Variants in ATP10B observed in about 807,000 individuals in gnomAD.
ATP10B encodes ATPase phospholipid transporting 10B (putative).
A neutral mutation model predicts 141.2 loss-of-function variants in ATP10B; 122 were observed. The observed-to-expected ratio is 0.86, with a 90% CI of 0.75 to 1.00. ATP10B has a LOEUF of 1.00. ATP10B is among the 50% of genes least tolerant of loss of function. The pLI is 0.00. For synonymous variants in ATP10B, 685 were observed against 692.0 expected, an observed-to-expected ratio of 0.99 and a Z score of 0.16; for missense variants, 1,876 against 1,825.3, an observed-to-expected ratio of 1.03 and a Z score of -0.51.
At position 160,670,681 on chromosome 5, in the gene ATP10B, AAGAC is replaced by A; in HGVS notation, c.471-18_471-15del. On this transcript the variant is annotated splice_polypyrimidine_tract_variant and intron_variant, in intron 6 of 25. Coordinates refer to ENST00000327245, the MANE Select transcript of ATP10B (RefSeq NM_025153.3). Reference sequence around the variant, plus strand: ...GTCTGCTCTTTTCTTGGGTGAGAGAAAGACAGGGTGTGAGTGAGCTTTAAGTTTC... The same window carrying A: ...GTCTGCTCTTTTCTTGGGTGAGAGAAAGGGTGTGAGTGAGCTTTAAGTTTC... 6 of 1,611,218 alleles carry A rather than the reference AAGAC, an allele frequency of 3.7e-6. No individual in the cohort carries two copies. The highest frequency in any genetic ancestry group is 5.1e-6 in the Non-Finnish European group (6 of 1,178,606).
intron 8 of ATP10B, 123 bp downstream of exon 8, chr5:160,649,048 T>TCACA (rs1026183365): frequency 1.0e-5 from 6 of 573,638 alleles, no homozygotes; most frequent in Non-Finnish European, 1.7e-5. Flanking sequence ...TCCCTCTTTA[T>TCACA]CACACACACA....
chr5:160,664,493 ATTT>A (rs1762194679), intron 7 of ATP10B, among the ~76,000 whole-genome samples: 1 of 152,224 alleles, frequency 6.6e-6, no homozygotes, highest in Non-Finnish European at 1.5e-5. Context: ...TCAATGGAGA[ATTT>A]TTAACCTGAG....
chr5:160,604,114 TC>T, intron 19 of ATP10B, 73 bp from the exon 20 acceptor site: 1 of 1,085,406 alleles, frequency 9.2e-7, no homozygotes, highest in Non-Finnish European at 1.4e-6. Context: ...CTCTAAAGTG[TC>T]CCCAGTTACA....
chr5:160,742,839 G>A (rs1023369145), intron 2 of ATP10B, among the ~76,000 whole-genome samples: 13 of 152,130 alleles, frequency 8.5e-5, no homozygotes, highest in African/African-American at 2.9e-4. Flanking sequence ...ACCTTAGAGT[G>A]ATTGAAAGGT....
intron 2 of ATP10B, among the ~76,000 whole-genome samples, chr5:160,728,406 G>A (rs1297714229): frequency 6.6e-6 from 1 of 152,162 alleles, no homozygotes; most frequent in Non-Finnish European, 1.5e-5. Context: ...CTATACGTAT[G>A]TGATAGAGCC....
intron 24 of ATP10B, among the ~76,000 whole-genome samples, chr5:160,570,655 C>T (rs756707756): frequency 6.6e-6 from 1 of 152,154 alleles, no homozygotes; most frequent in Non-Finnish European, 1.5e-5. Context: ...AACTCACTGG[C>T]ATTATTGTTT....
intron 2 of ATP10B, among the ~76,000 whole-genome samples, chr5:160,775,717 G>C (rs967768121): frequency 8.1e-6 from 1 of 124,130 alleles, no homozygotes; most frequent in African/African-American, 3.1e-5. Context: ...GTCTCGCTCT[G>C]TTGCCCAGGC....
At chr5:160,687,698 A>C in intron 5 of ATP10B, 102 bp downstream of exon 5, 16 of 1,311,560 alleles carry the variant, frequency 1.2e-5, no homozygotes, top group Non-Finnish European at 1.7e-5. Flanking sequence ...CCAGGAGGTG[A>C]AGGTTGCAGT....
the ATP10B span, among the ~76,000 whole-genome samples, chr5:160,863,512 A>C: frequency 6.6e-6 from 1 of 152,020 alleles, no homozygotes; most frequent in Non-Finnish European, 1.5e-5. Context: ...AAAAGTGTGA[A>C]AAAGCATAAA....
chr5:160,720,947 T>A (rs374153674), intron 2 of ATP10B, among the ~76,000 whole-genome samples: 3 of 152,348 alleles, frequency 2.0e-5, no homozygotes, highest in East Asian at 3.9e-4. Flanking sequence ...TGATTTCAAT[T>A]CCCTCAGTGA....
chr5:160,612,814 G>T lies in ATP10B; in HGVS notation c.2765C>A (p.Ala922Glu). ...TCTGCAGGAATGGGCAATGTTGACC[G>T]CTGTCTCCTGCTTATCTCCAGTCAG... Reference protein sequence around the residue: ...WVLTGDKQETAVNIAHSCRLL... With the variant: ...WVLTGDKQETEVNIAHSCRLL... Residue 922 changes from alanine (A) to glutamate (E), a missense_variant, in exon 18 of 26, where the codon GCG becomes GAG. By Grantham distance (107) the Ala-to-Glu change is moderately radical. Transcript: ENST00000327245. The T allele has an allele frequency of 6.2e-7, 1 of 1,614,036 alleles. No individual in the cohort carries two copies. Among genetic ancestry groups the T allele is most frequent in the South Asian group, 1.1e-5 (1 of 91,066 alleles).
chr5:160,721,635 G>A (rs1465203747), intron 2 of ATP10B, among the ~76,000 whole-genome samples: 1 of 152,176 alleles, frequency 6.6e-6, no homozygotes, highest in Non-Finnish European at 1.5e-5. Flanking sequence ...CAGCTAAGAT[G>A]GGCCACATTC....
intron 11 of ATP10B, 142 bp downstream of exon 11, chr5:160,636,040 C>T (rs1245187701): frequency 2.0e-6 from 2 of 997,164 alleles, no homozygotes; most frequent in Non-Finnish European, 2.8e-6. Context: ...TTCAAAGACG[C>T]ACAAGAAAGC....
chr5:160,712,701 AT>A (rs1404253956), intron 3 of ATP10B, among the ~76,000 whole-genome samples: 1 of 20,392 alleles, frequency 4.9e-5, no homozygotes, highest in Non-Finnish European at 8.0e-5. Context: ...TTTAATTGTG[AT>A]GTTAGGGTGT....
chr5:160,820,377 T>C (rs1345384665), intron 1 of ATP10B, among the ~76,000 whole-genome samples: 1 of 151,708 alleles, frequency 6.6e-6, no homozygotes, highest in East Asian at 1.9e-4. Context: ...GATTACAAGA[T>C]TGAAGCATTA....
chr5:160,749,451 G>C lies in ATP10B; in HGVS notation c.-330-32417C>G, dbSNP rs190572890. Among the ~76,000 whole-genome samples, 379 of 152,302 alleles carry C rather than the reference G, an allele frequency of 2.5e-3. 3 individuals are homozygous for C. The highest frequency in any genetic ancestry group is 8.8e-3 in the African/African-American group (366 of 41,552). ...CAGCTGCCCTCCTCATACTGTGATA[G>C]GAAACCCAACACCTGTTCCAGTTTC... is the stretch of plus-strand genomic sequence containing the variant. On this transcript the variant is annotated intron_variant, in intron 2 of 25. Coordinates refer to ENST00000327245, the MANE Select transcript of ATP10B (RefSeq NM_025153.3).
chr5:160,662,642 A>G (rs1444222448), intron 7 of ATP10B, among the ~76,000 whole-genome samples: 2 of 152,270 alleles, frequency 1.3e-5, no homozygotes, highest in African/African-American at 4.8e-5. Context: ...TACAAAAATT[A>G]ATTCAAGATG....
At chr5:160,850,563 ACTAAGTT>A (rs1242340965) in intron 1 of ATP10B, among the ~76,000 whole-genome samples, 1 of 152,194 alleles carries the variant, frequency 6.6e-6, no homozygotes, top group Admixed American at 6.5e-5. Context: ...AGGCAGCTAG[ACTAAGTT>A]CCATTCCATT....
At chr5:160,587,715 A>T (rs535331498) in intron 24 of ATP10B, among the ~76,000 whole-genome samples, 1 of 152,234 alleles carries the variant, frequency 6.6e-6, no homozygotes, top group African/African-American at 2.4e-5. Context: ...TACATTCATG[A>T]TTTGGTGCTC....
Sources: gnomAD v4.1 joint callset for allele counts (sites outside exome capture counted in the v4.1 genomes callset) on GRCh38, gnomAD v4.1.1 for gene constraint, MANE v1.5 for transcripts, NCBI Gene and HGNC (gene_info 2026-07-23, HGNC 2026-07-21) for gene names.